Variants in TGM3 observed in about 807,000 individuals in gnomAD.
TGM3 encodes protein-glutamine gamma-glutamyltransferase E.
Under a neutral mutation model 73.8 loss-of-function variants are expected in TGM3, and 52 were observed. The ratio of observed to expected loss-of-function variants is 0.70; its 90% CI spans 0.56 to 0.89. The LOEUF (loss-of-function observed/expected upper bound fraction) is 0.89, where lower values mean the gene tolerates loss of function less well. Ranked by LOEUF, TGM3 falls within the 40% of genes least tolerant of loss-of-function variation. The pLI, the probability that TGM3 is intolerant of heterozygous loss-of-function variation, is 0.00. For synonymous variants in TGM3, 372 were observed against 354.9 expected (o/e 1.05, Z -0.54); for missense variants, 928 against 909.9 (o/e 1.02, Z -0.26).
rs1050958360 is a variant in TGM3, at chr20:2,328,025, A to C, written c.1088-95A>C. 8 of 1,554,640 alleles carry C rather than the reference A, an allele frequency of 5.1e-6. No homozygotes were observed. The highest frequency in any genetic ancestry group is 7.0e-6 in the Non-Finnish European group (8 of 1,140,642). On this transcript the variant is annotated intron_variant, in intron 8 of 12. Transcript: ENST00000381458. The surrounding 1 kb of genome is among the most constrained non-coding windows in gnomAD (Gnocchi z 5.2). ...GAAGGAATTTGGGCGGGGCAGAGGC[A>C]GGGGGTTGCAGTGGTCCTGGAAGGC...
chr20:2,303,966 G>A (rs1215993110), intron 1 of TGM3, among the ~76,000 whole-genome samples: 2 of 152,180 alleles, frequency 1.3e-5, no homozygotes, highest in Non-Finnish European at 2.9e-5. Context: ...TGTTCTCTAA[G>A]GTTTTTCCCG....
chr20:2,313,890 G>A (rs1202047614), intron 5 of TGM3, among the ~76,000 whole-genome samples: 16 of 152,018 alleles, frequency 1.1e-4, no homozygotes, highest in African/African-American at 3.9e-4. Flanking sequence ...AACTAGCCAG[G>A]CATAGGCAGA....
Position 2,328,121 on chromosome 20 carries a change from G to T in TGM3, c.1089G>T (p.Gly363=). The part of the protein sequence containing the change: ...LDATPQERSQ[G]VFQCGPASVI... ...CAGCCTCTGCATCTTGGCCTCCAGG[G>T]GTGTTCCAGTGCGGCCCCGCTTCGG... The change falls in exon 9 of 13, where the codon GGG becomes GGT. Residue 363 remains glycine (G), a splice_region_variant and synonymous_variant. Coordinates refer to ENST00000381458, the MANE Select transcript of TGM3 (RefSeq NM_003245.4). This position sits in a 1 kb window ranked among gnomAD's most constrained non-coding sequence, Gnocchi z 5.2. 6.2e-7 allele frequency: 1 copy of T among 1,614,130 alleles called. No homozygotes were observed. The highest frequency in any genetic ancestry group is 8.5e-7 in the Non-Finnish European group (1 of 1,180,034).
intron 1 of TGM3, among the ~76,000 whole-genome samples, chr20:2,303,496 G>A (rs535703980): frequency 1.3e-5 from 2 of 152,144 alleles, no homozygotes; most frequent in East Asian, 3.9e-4. Context: ...TATTGTGAGT[G>A]TACTAAATGC....
At chr20:2,329,822 G>GCAATA (rs2084310064) in intron 9 of TGM3, among the ~76,000 whole-genome samples, 1 of 152,190 alleles carries the variant, frequency 6.6e-6, no homozygotes, top group Non-Finnish European at 1.5e-5. Context: ...AGTGCCAAGT[G>GCAATA]CAATGCCTGG....
At chr20:2,297,756 A>T (rs1007051853) in intron 1 of TGM3, among the ~76,000 whole-genome samples, 3 of 152,296 alleles carry the variant, frequency 2.0e-5, no homozygotes, top group African/African-American at 7.2e-5. Context: ...GTTCCCAATC[A>T]GTGTTTCTTG....
At chr20:2,340,014 G>A (rs1242034972) in intron 12 of TGM3, 27 bp downstream of exon 12, 2 of 1,497,620 alleles carry the variant, frequency 1.3e-6, no homozygotes, top group Non-Finnish European at 1.8e-6. Context: ...AGTGGCCGGT[G>A]CAGGAGGGCG....
chr20:2,311,172 C>A (rs760496663), intron 4 of TGM3, 43 bp downstream of exon 4: 6 of 1,524,622 alleles, frequency 3.9e-6, no homozygotes, highest in Admixed American at 1.7e-5. Context: ...TCCCTGTTAC[C>A]CAAGAAGCTC....
chr20:2,329,209 G>A (rs561254543), intron 9 of TGM3, among the ~76,000 whole-genome samples: 1 of 152,220 alleles, frequency 6.6e-6, no homozygotes, highest in East Asian at 1.9e-4. Flanking sequence ...GGTTCTGAGG[G>A]GTCAAGAAAA....
intron 9 of TGM3, 128 bp from the exon 10 acceptor site, chr20:2,331,874 G>C: frequency 8.9e-7 from 1 of 1,121,792 alleles, no homozygotes; most frequent in Non-Finnish European, 1.3e-6. Context: ...ACCTGTGAAA[G>C]TCGAATGCCT....
Position 2,340,753 on chromosome 20 carries a change from T to G in TGM3, c.*172T>G. The G allele has an allele frequency of 1.1e-6, 1 of 873,116 alleles. No individual in the cohort carries two copies. Among genetic ancestry groups the G allele is most frequent in the Non-Finnish European group, 1.8e-6 (1 of 544,264 alleles). 54.1% of individuals were successfully genotyped at this position (873,116 alleles called of 1,614,324 possible). A position where few individuals can be genotyped will look rare whatever the true frequency, so the allele number is the denominator to read the frequency against. On this transcript the variant is annotated 3_prime_UTR_variant, in exon 13 of 13. Coordinates refer to ENST00000381458, the MANE Select transcript of TGM3 (RefSeq NM_003245.4). ...CATCCCCCTCTCCTCTCCCCCAGGT[T>G]GGGGCTGGGTCCACCCTGTCCTATG...
intron 1 of TGM3, among the ~76,000 whole-genome samples, chr20:2,296,855 A>G (rs1007398393): frequency 1.3e-5 from 2 of 152,222 alleles, no homozygotes; most frequent in Non-Finnish European, 1.5e-5. Context: ...TAGTAGGTTG[A>G]CAGGGACGCC....
intron 1 of TGM3, among the ~76,000 whole-genome samples, chr20:2,302,483 A>G (rs369633541): frequency 8.2e-4 from 125 of 152,260 alleles, no homozygotes; most frequent in Middle Eastern, 6.8e-3. Flanking sequence ...TCCTTACACG[A>G]AAGGCCTGGA....
At chr20:2,308,436 A>T (rs899588944) in intron 1 of TGM3, among the ~76,000 whole-genome samples, 4 of 152,222 alleles carry the variant, frequency 2.6e-5, no homozygotes, top group African/African-American at 7.2e-5. Flanking sequence ...AAAAGTTTAT[A>T]TCAGCGAACA....
At position 2,311,823 on chromosome 20, in the gene TGM3, AT is replaced by A. The variant is rs556271459; in HGVS notation, c.540+703del. Among the ~76,000 whole-genome samples, 82 of 151,110 alleles carry A rather than the reference AT, an allele frequency of 5.4e-4. 1 individual carries two copies. Among genetic ancestry groups the A allele is most frequent in the Middle Eastern group, 3.4e-3 (1 of 292 alleles). ...TGCACCTAGGAGTGGAAGAGAGGCTATTTTTTTTTATGGCATGGTTAGGGAG... is the reference window on the plus strand; with the variant it reads ...TGCACCTAGGAGTGGAAGAGAGGCTATTTTTTTTATGGCATGGTTAGGGAG... On this transcript the variant is annotated intron_variant, in intron 4 of 12. Transcript: ENST00000381458.
At chr20:2,340,040 G>GGTGGGGGGGGGGGGGGGGGGGGGGGC in intron 12 of TGM3, 53 bp downstream of exon 12, 2 of 944,840 alleles carry the variant, frequency 2.1e-6, no homozygotes, top group Non-Finnish European at 3.2e-6. Context: ...GGGCGGGGGG[G>GGTGGGGGGGGGGGGGGGGGGGGGGGC]CCCTCCAGAT....
chr20:2,335,326 C>T (rs2084343930), intron 11 of TGM3, 53 bp downstream of exon 11: 1 of 1,603,740 alleles, frequency 6.2e-7, no homozygotes, highest in African/African-American at 1.3e-5. Context: ...GCCAGCCCAG[C>T]TCCCAGGAGC....
chr20:2,327,516 T>G (rs1229607664), intron 8 of TGM3, among the ~76,000 whole-genome samples: 1 of 152,158 alleles, frequency 6.6e-6, no homozygotes, highest in Non-Finnish European at 1.5e-5. Flanking sequence ...ATAGTTAGAC[T>G]AAAGACCATT....
rs867633395 is a variant in TGM3, at chr20:2,332,100, G to A, written c.1432G>A (p.Glu478Lys). The A allele has an allele frequency of 6.2e-7, 1 of 1,614,200 alleles. No individual in the cohort carries two copies. The highest frequency in any genetic ancestry group is 1.1e-5 in the South Asian group (1 of 91,088). The change falls in exon 10 of 13, where the codon GAA becomes AAA. Residue 478 changes from glutamate (E) to lysine (K), a missense_variant. By Grantham distance (56) the Glu-to-Lys change is moderately conservative. Transcript: ENST00000381458. The surrounding 1 kb of genome is among the most constrained non-coding windows in gnomAD (Gnocchi z 4.4). ...GTCTTCAATGGGTTTGGAAACAGAG[G>A]AACAGGAGCCCAGCATCATCGGGAA... ...ATSSMGLETE[E>K]QEPSIIGKLK...
Sources: gnomAD v4.1 joint callset for allele counts (sites outside exome capture counted in the v4.1 genomes callset) on GRCh38, gnomAD v4.1.1 for gene constraint, Gnocchi (gnomAD v3.1) non-coding constraint, MANE v1.5 for transcripts, NCBI Gene and HGNC (gene_info 2026-07-23, HGNC 2026-07-21) for gene names.